The following PAX5 variants were observed in gnomAD, a reference collection of about 807,000 sequenced individuals.
PAX5 encodes the protein paired box 5.
A neutral mutation model predicts 43.7 loss-of-function variants in PAX5; 9 were observed. The observed-to-expected ratio is 0.21, with a 90% CI of 0.12 to 0.36. PAX5 has a LOEUF of 0.36. Among genes scored for constraint, PAX5 ranks in the 10% least tolerant of loss-of-function variants. PAX5 has a pLI of 1.00. For synonymous variants in PAX5, 228 were observed against 214.3 expected, an observed-to-expected ratio of 1.06 and a Z score of -0.56; for missense variants, 383 against 532.7, an observed-to-expected ratio of 0.72 and a Z score of 2.77.
intron 6 of PAX5, among the ~76,000 whole-genome samples, chr9:36,956,528 T>G (rs1325377737): frequency 6.6e-6 from 1 of 152,248 alleles, no homozygotes; most frequent in Admixed American, 6.5e-5. Context: ...CTAAGAGCCA[T>G]CACTAAAGCC....
intron 8 of PAX5, among the ~76,000 whole-genome samples, chr9:36,874,493 C>A (rs1217423593): frequency 6.6e-6 from 1 of 152,204 alleles, no homozygotes; most frequent in East Asian, 1.9e-4. Flanking sequence ...ACTCCCACCC[C>A]TGGGAACCCA....
At chr9:37,026,700 C>G (rs2132538576) in intron 1 of PAX5, 1 of 1,298,646 alleles carries the variant, frequency 7.7e-7, no homozygotes, top group Non-Finnish European at 9.9e-7. Flanking sequence ...GAAAACACTG[C>G]TGGAGCTTCG....
intron 5 of PAX5, among the ~76,000 whole-genome samples, chr9:36,967,482 A>G (rs749642736): frequency 7.2e-5 from 11 of 152,262 alleles, no homozygotes; most frequent in Non-Finnish European, 1.2e-4. Context: ...GCATACTTGC[A>G]TAATGGAAAA....
intron 2 of PAX5, 110 bp downstream of exon 2, chr9:37,020,526 A>G (rs1471406655): frequency 1.7e-6 from 2 of 1,192,176 alleles, no homozygotes; most frequent in Non-Finnish European, 2.4e-6. Context: ...CGTGTGAAAC[A>G]AAATGCCACC....
At chr9:36,980,470 C>T (rs1288873938) in intron 5 of PAX5, among the ~76,000 whole-genome samples, 3 of 152,166 alleles carry the variant, frequency 2.0e-5, no homozygotes, top group East Asian at 1.9e-4. Flanking sequence ...CCCACTGCAC[C>T]GCATTGCACT....
At position 36,835,042 on chromosome 9, in the gene PAX5, G is replaced by C. The variant is rs1007904944; in HGVS notation, c.*5518C>G. ...CTCTGTCTCTCCTGCCACAGGCCAAGTACCCTACCTGAGACGACTCCTTTG... is the reference window on the plus strand; with the variant it reads ...CTCTGTCTCTCCTGCCACAGGCCAACTACCCTACCTGAGACGACTCCTTTG... On this transcript the variant is annotated 3_prime_UTR_variant, in exon 10 of 10. Transcript: ENST00000358127. The C allele has an allele frequency of 4.3e-6, 1 of 233,266 alleles. No homozygotes were observed. The highest frequency in any genetic ancestry group is 2.2e-5 in the African/African-American group (1 of 45,376). 14.4% of individuals were successfully genotyped at this position (233,266 alleles called of 1,614,324 possible). A position where few individuals can be genotyped will look rare whatever the true frequency, so the allele number is the denominator to read the frequency against.
intron 8 of PAX5, among the ~76,000 whole-genome samples, chr9:36,847,771 C>T (rs903512175): frequency 6.6e-6 from 1 of 152,168 alleles, no homozygotes; most frequent in Non-Finnish European, 1.5e-5. Flanking sequence ...TCTGGCACTT[C>T]CCTGGGCTCT....
Position 37,020,906 on chromosome 9 carries a change from C to T in PAX5, c.47-105G>A, listed in dbSNP as rs865794652. The T allele has an allele frequency of 5.8e-5, 72 of 1,243,810 alleles. 1 individual carries two copies. In the Middle Eastern group the frequency reaches 1.8e-3, roughly 31 times the overall value. 77.0% of individuals were successfully genotyped at this position (1,243,810 alleles called of 1,614,324 possible). A position where few individuals can be genotyped will look rare whatever the true frequency, so the allele number is the denominator to read the frequency against. ...CAGAGCCCCTCTGATCACAAATGGC[C>T]GGCAGGCTGGATGTCTCGCGCCTGG... On this transcript the variant is annotated intron_variant, in intron 1 of 9. Coordinates refer to ENST00000358127, the MANE Select transcript of PAX5 (RefSeq NM_016734.3).
intron 8 of PAX5, among the ~76,000 whole-genome samples, chr9:36,865,042 C>A (rs1294741559): frequency 6.6e-6 from 1 of 152,222 alleles, no homozygotes; most frequent in African/African-American, 2.4e-5. Context: ...GCTGCGTTAA[C>A]GAGCAAATTA....
chr9:36,992,308 C>T (rs1837014110), intron 5 of PAX5, among the ~76,000 whole-genome samples: 4 of 152,150 alleles, frequency 2.6e-5, no homozygotes, highest in Admixed American at 2.6e-4. Flanking sequence ...TTGTTTCATT[C>T]CCAATCAATA....
intron 1 of PAX5, among the ~76,000 whole-genome samples, chr9:37,030,992 A>T (rs967248787): frequency 1.3e-5 from 2 of 152,164 alleles, no homozygotes; most frequent in African/African-American, 4.8e-5. Flanking sequence ...TTTAAAAAAT[A>T]AAAAAAATTA....
At chr9:36,872,150 TC>T (rs1017410191) in intron 8 of PAX5, among the ~76,000 whole-genome samples, 2 of 152,170 alleles carry the variant, frequency 1.3e-5, no homozygotes, top group Admixed American at 6.5e-5. Flanking sequence ...TTCTGGGCCT[TC>T]CCGATCGAGA....
At chr9:36,924,200 C>T (rs1033982816) in intron 6 of PAX5, among the ~76,000 whole-genome samples, 1 of 152,196 alleles carries the variant, frequency 6.6e-6, no homozygotes, top group African/African-American at 2.4e-5. Flanking sequence ...CCACACCAAC[C>T]ATGTGTATTT....
At chr9:37,028,176 T>C (rs1325403605) in intron 1 of PAX5, among the ~76,000 whole-genome samples, 2 of 152,220 alleles carry the variant, frequency 1.3e-5, no homozygotes, top group East Asian at 3.9e-4. Flanking sequence ...TCCTGTACCA[T>C]CAGGCTCGTG....
At chr9:36,903,799 G>A (rs1022317755) in intron 7 of PAX5, among the ~76,000 whole-genome samples, 1 of 152,118 alleles carries the variant, frequency 6.6e-6, no homozygotes, top group Non-Finnish European at 1.5e-5. Context: ...CACCCAAGAA[G>A]CCCCATCAGT....
intron 5 of PAX5, among the ~76,000 whole-genome samples, chr9:36,988,978 G>C (rs1280234153): frequency 6.6e-6 from 1 of 152,186 alleles, no homozygotes. Flanking sequence ...GCTAGTAAAA[G>C]GAAAGGCAAG....
At chr9:36,937,443 T>C (rs1019622086) in intron 6 of PAX5, among the ~76,000 whole-genome samples, 9 of 152,198 alleles carry the variant, frequency 5.9e-5, no homozygotes, top group African/African-American at 2.2e-4. Flanking sequence ...TTGACAGAAG[T>C]TGAGTAAGTT....
chr9:36,856,170 A>G (rs1223346598), intron 8 of PAX5, among the ~76,000 whole-genome samples: 4 of 152,238 alleles, frequency 2.6e-5, no homozygotes, highest in Non-Finnish European at 5.9e-5. Flanking sequence ...CTGAGTGAGC[A>G]CTAAGTGTGC....
intron 1 of PAX5, among the ~76,000 whole-genome samples, chr9:37,023,861 T>A (rs2132519082): frequency 6.6e-6 from 1 of 152,324 alleles, no homozygotes; most frequent in African/African-American, 2.4e-5. Context: ...GAAGTCTCCC[T>A]AATGGTATTG....
Sources: allele counts gnomAD v4.1 joint callset (sites outside exome capture counted in the v4.1 genomes callset), GRCh38; gene constraint gnomAD v4.1.1; transcripts MANE v1.5; gene names NCBI Gene and HGNC (gene_info 2026-07-23, HGNC 2026-07-21).